The following CLPTM1L variants were observed in gnomAD, a reference collection of about 807,000 sequenced individuals.
CLPTM1L encodes CLPTM1 like, also known as lipid scramblase CLPTM1L.
Under a neutral mutation model 70.9 loss-of-function variants are expected in CLPTM1L, and 38 were observed. That is an observed-to-expected ratio of 0.54 (90% CI 0.41 to 0.70). The LOEUF is 0.70. Ranked by LOEUF, CLPTM1L falls within the 30% of genes least tolerant of loss-of-function variation. The pLI is 0.00. For missense variants in CLPTM1L, 652 were observed against 705.9 expected (o/e 0.92, Z 0.87); for synonymous variants, 339 against 299.9 (o/e 1.13, Z -1.35).
chr5:1,341,689 G>A lies in CLPTM1L; in HGVS notation c.435C>T (p.Thr145=), dbSNP rs566053718. ...VPKPEEINLL[T]GESDTQQIEA... Reference sequence around the variant, plus strand: ...CCCTCACCTGTGTATCAGACTCCCCGGTGAGCAGGTTGATTTCTTCTGGCT... The same window carrying A: ...CCCTCACCTGTGTATCAGACTCCCCAGTGAGCAGGTTGATTTCTTCTGGCT... The change falls in exon 3 of 17, where the codon ACC becomes ACT. Residue 145 remains threonine (T), a synonymous_variant. Coordinates refer to ENST00000320895, the MANE Select transcript of CLPTM1L (RefSeq NM_030782.5). The A allele has an allele frequency of 5.0e-6, 8 of 1,609,964 alleles. No homozygotes were observed. Among genetic ancestry groups the A allele is most frequent in the Admixed American group, 1.7e-5 (1 of 59,886 alleles).
chr5:1,324,832 CA>C lies in CLPTM1L; in HGVS notation c.1147-20del. 6.2e-7 allele frequency: 1 copy of C among 1,610,798 alleles called. No individual in the cohort carries two copies. The highest frequency in any genetic ancestry group is 8.5e-7 in the Non-Finnish European group (1 of 1,176,956). On this transcript the variant is annotated intron_variant, in intron 10 of 16. Coordinates refer to ENST00000320895, the MANE Select transcript of CLPTM1L (RefSeq NM_030782.5). ...TGCCAAACTGTTGTGAAATTCAACA[CA>C]GTGATATTAATAGACTCAGGGAGGA...
intron 9 of CLPTM1L, among the ~76,000 whole-genome samples, chr5:1,328,976 A>AGCTCCTCCTCTACAGACACATTTCATC (rs1561237790): frequency 1.5e-5 from 2 of 133,948 alleles, no homozygotes; most frequent in African/African-American, 5.6e-5. Context: ...CACATTTCAT[A>AGCTCCTCCTCTACAGACACATTTCATC]CAGCTCCTCC....
chr5:1,333,088 CGG>C (rs1753231904), intron 7 of CLPTM1L, among the ~76,000 whole-genome samples: 18 of 66,364 alleles, frequency 2.7e-4, no homozygotes, highest in African/African-American at 1.2e-3. Flanking sequence ...GTATACACAC[CGG>C]ATGAGGATAA....
At chr5:1,334,410 A>G (rs776517675) in intron 6 of CLPTM1L, 27 bp from the exon 7 acceptor site, 2 of 1,448,184 alleles carry the variant, frequency 1.4e-6, no homozygotes, top group Non-Finnish European at 1.9e-6. Context: ...AACATACAAT[A>G]TAAAACAGGC....
intron 4 of CLPTM1L, 72 bp from the exon 5 acceptor site, chr5:1,338,054 C>T: frequency 3.1e-6 from 4 of 1,281,152 alleles, no homozygotes; most frequent in Admixed American, 2.0e-5. Flanking sequence ...CACATCCAGA[C>T]ACTGGGTTTA....
rs533325685 is a variant in CLPTM1L, at chr5:1,344,386, A to T, written c.228T>A (p.Asn76Lys). The T allele has an allele frequency of 6.2e-7, 1 of 1,613,940 alleles. No homozygotes were observed. Among genetic ancestry groups the T allele is most frequent in the African/African-American group, 1.3e-5 (1 of 75,066 alleles). ...GAENNIDLVL[N>K]VEDFDVESKF... ...TGGACTCCACATCAAAGTCTTCCAC[A>T]TTCAAGACCAGGTCGATGTTGTTCT... Residue 76 changes from asparagine to lysine, a missense_variant, in exon 2 of 17, where the codon AAT becomes AAA. Asn to Lys is a moderately conservative substitution (Grantham distance 94). Transcript: ENST00000320895.
intron 2 of CLPTM1L, among the ~76,000 whole-genome samples, chr5:1,343,069 T>C (rs1190687514): frequency 6.6e-6 from 1 of 152,150 alleles, no homozygotes; most frequent in African/African-American, 2.4e-5. Flanking sequence ...CGGGTGCCTG[T>C]AGTCTCAGCT....
At chr5:1,339,250 G>A (rs891081732) in intron 3 of CLPTM1L, among the ~76,000 whole-genome samples, 9 of 147,628 alleles carry the variant, frequency 6.1e-5, no homozygotes, top group Admixed American at 1.3e-4. Context: ...AACTGTGCCC[G>A]GGACAGCAGG....
At chr5:1,323,142 G>A (rs556088687) in intron 12 of CLPTM1L, among the ~76,000 whole-genome samples, 16 of 152,050 alleles carry the variant, frequency 1.1e-4, no homozygotes, top group African/African-American at 3.9e-4. Flanking sequence ...CCTCAGCTCA[G>A]GGCCAGCACC....
At chr5:1,322,572 C>T (rs1338972842) in intron 13 of CLPTM1L, among the ~76,000 whole-genome samples, 2 of 152,254 alleles carry the variant, frequency 1.3e-5, no homozygotes, top group Non-Finnish European at 2.9e-5. Context: ...GCGATGGACA[C>T]ATATACCAGG....
chr5:1,326,054 C>A, intron 9 of CLPTM1L: 1 of 536,652 alleles, frequency 1.9e-6, no homozygotes, highest in South Asian at 2.8e-5. Context: ...CAGCGGACAA[C>A]AAAAACAGCA....
chr5:1,334,406 C>T lies in CLPTM1L; in HGVS notation c.797-23G>A, dbSNP rs543054253. ...ACCCTGTCAAGGAAAAAAAAACATA[C>T]AATATAAAACAGGCAATGTCAATCT... On this transcript the variant is annotated intron_variant, in intron 6 of 16. Transcript: ENST00000320895. The T allele has an allele frequency of 2.1e-5, 31 of 1,443,060 alleles. No individual in the cohort carries two copies. The South Asian group carries it at 3.5e-4, about 16-fold the overall frequency. 89.4% of individuals were successfully genotyped at this position (1,443,060 alleles called of 1,614,324 possible).
rs1294003308 is a variant in CLPTM1L at position 1,338,960 on chromosome 5, C to T, written c.499G>A (p.Val167Met). 1 of 1,613,422 alleles carries T rather than the reference C, an allele frequency of 6.2e-7. No individual in the cohort carries two copies. Among genetic ancestry groups the T allele is most frequent in the South Asian group, 1.1e-5 (1 of 91,090 alleles). Reference sequence around the variant, plus strand: ...GCCAGCCGCGGTCGCCAGTGGGACACTGGCTCATCCAGGGCACTCGTCGGC... The same window carrying T: ...GCCAGCCGCGGTCGCCAGTGGGACATTGGCTCATCCAGGGCACTCGTCGGC... The part of the protein sequence containing the change: ...KKPTSALDEP[V>M]SHWRPRLALN... Residue 167 changes from valine to methionine, a missense_variant, in exon 4 of 17, where the codon GTG (valine) becomes ATG (methionine). This residue lies in a region of CLPTM1L where 402 missense variants were observed against 388.2 expected (regional missense o/e 1.04). Transcript: ENST00000320895.
intron 2 of CLPTM1L, among the ~76,000 whole-genome samples, chr5:1,343,310 C>T (rs535811287): frequency 6.6e-6 from 1 of 152,266 alleles, no homozygotes; most frequent in Admixed American, 6.5e-5. Flanking sequence ...TCTCTTCAGG[C>T]AGAGGGTGCA....
chr5:1,343,267 AGAG>A (rs1215342403), intron 2 of CLPTM1L, among the ~76,000 whole-genome samples: 1 of 152,088 alleles, frequency 6.6e-6, no homozygotes, highest in African/African-American at 2.4e-5. Flanking sequence ...TACCCAGGAA[AGAG>A]TATGTCTCCA....
At chr5:1,335,373 G>C (rs1462790314) in intron 5 of CLPTM1L, among the ~76,000 whole-genome samples, 199 bp from the exon 6 acceptor site, 1 of 152,230 alleles carries the variant, frequency 6.6e-6, no homozygotes, top group Non-Finnish European at 1.5e-5. Context: ...TTCCAGCACA[G>C]GGAGGTTCCC....
intron 9 of CLPTM1L, chr5:1,326,122 C>T: frequency 2.6e-6 from 1 of 388,746 alleles, no homozygotes; most frequent in Non-Finnish European, 4.6e-6. Flanking sequence ...CCACCTACTT[C>T]TGCCTGCCAC....
chr5:1,324,802 G>A lies in CLPTM1L; in HGVS notation c.1158C>T (p.Tyr386=), dbSNP rs954719863. The part of the protein sequence containing the change: ...GLMPEFQFGT[Y]SESERKTEEY... Reference sequence around the variant, plus strand: ...CCTCGGTTTTCCTCTCAGATTCGCTGTAAGTGCCAAACTGTTGTGAAATTC... The same window carrying A: ...CCTCGGTTTTCCTCTCAGATTCGCTATAAGTGCCAAACTGTTGTGAAATTC... The change falls in exon 11 of 17, where the codon TAC becomes TAT. Residue 386 remains tyrosine (Y), a synonymous_variant. Transcript: ENST00000320895. 1 of 1,614,054 alleles carries A rather than the reference G, an allele frequency of 6.2e-7. No individual in the cohort carries two copies. Among genetic ancestry groups the A allele is most frequent in the Admixed American group, 1.7e-5 (1 of 60,028 alleles).
chr5:1,319,590 C>T (rs1752035244), intron 16 of CLPTM1L, among the ~76,000 whole-genome samples: 1 of 152,146 alleles, frequency 6.6e-6, no homozygotes, highest in African/African-American at 2.4e-5. Context: ...TAGGCAGGAC[C>T]CGCCAGGACG....
Sources: gnomAD v4.1 joint callset for allele counts (sites outside exome capture counted in the v4.1 genomes callset) on GRCh38, gnomAD v4.1.1 for gene constraint, gnomAD v4.1.1 regional missense constraint, MANE v1.5 for transcripts, NCBI Gene and HGNC (gene_info 2026-07-23, HGNC 2026-07-21) for gene names.